TBC1D5: variants seen among roughly 807,000 people sequenced by gnomAD.
TBC1D5 encodes TBC1 domain family, member 5.
Under a neutral mutation model 100.3 loss-of-function variants are expected in TBC1D5, and 75 were observed. The ratio of observed to expected loss-of-function variants is 0.75; its 90% CI spans 0.62 to 0.91. The LOEUF is 0.91. Ranked by LOEUF, TBC1D5 falls within the 40% of genes least tolerant of loss-of-function variation. The pLI, the probability that TBC1D5 is intolerant of heterozygous loss-of-function variation, is 0.00. For synonymous variants in TBC1D5, 323 were observed against 325.6 expected (o/e 0.99, Z 0.09); for missense variants, 910 against 942.4 (o/e 0.97, Z 0.45).
intron 17 of TBC1D5, among the ~76,000 whole-genome samples, chr3:17,221,881 G>C (rs1372327483): frequency 6.6e-6 from 1 of 152,156 alleles, no homozygotes; most frequent in African/African-American, 2.4e-5. Flanking sequence ...TTTTAAGTCA[G>C]CAAGAGAAAA....
chr3:17,563,450 A>C (rs901543499), intron 2 of TBC1D5, among the ~76,000 whole-genome samples: 1 of 152,248 alleles, frequency 6.6e-6, no homozygotes, highest in Non-Finnish European at 1.5e-5. Flanking sequence ...GAATCAGGAA[A>C]ATCAGGAAGG....
intron 1 of TBC1D5, among the ~76,000 whole-genome samples, chr3:17,669,248 T>G (rs1469019969): frequency 6.6e-6 from 1 of 152,182 alleles, no homozygotes; most frequent in African/African-American, 2.4e-5. Context: ...ACCATGATTG[T>G]AAGTTTCCTG....
At chr3:17,258,688 G>T (rs1575000937) in intron 15 of TBC1D5, 97 bp from the exon 16 acceptor site, 4 of 887,044 alleles carry the variant, frequency 4.5e-6, no homozygotes, top group Admixed American at 2.6e-5. Flanking sequence ...CTTCAGAAAA[G>T]AATATGTATA....
intron 1 of TBC1D5, chr3:17,706,203 G>C: frequency 6.4e-7 from 1 of 1,551,992 alleles, no homozygotes; most frequent in Non-Finnish European, 8.7e-7. Context: ...CTCCGGCATC[G>C]CGGCGAGGCC....
chr3:17,673,080 T>C (rs1387789838), intron 1 of TBC1D5, among the ~76,000 whole-genome samples: 2 of 151,932 alleles, frequency 1.3e-5, no homozygotes, highest in Non-Finnish European at 2.9e-5. Context: ...AATAATAGAA[T>C]AACAACAAAT....
intron 2 of TBC1D5, among the ~76,000 whole-genome samples, chr3:17,574,617 A>G (rs116299990): frequency 3.0e-3 from 461 of 152,230 alleles, no homozygotes; most frequent in African/African-American, 0.011. Context: ...TAAGCATCTT[A>G]TAATACATCT....
intron 3 of TBC1D5, among the ~76,000 whole-genome samples, chr3:17,433,234 G>T (rs112869783): frequency 6.6e-6 from 1 of 152,252 alleles, no homozygotes; most frequent in Admixed American, 6.5e-5. Flanking sequence ...AAGAAGCAGC[G>T]GACATGAATA....
intron 3 of TBC1D5, among the ~76,000 whole-genome samples, chr3:17,500,454 T>C (rs570671037): frequency 2.7e-5 from 4 of 149,944 alleles, no homozygotes; most frequent in South Asian, 4.2e-4. Context: ...TTAATCACTA[T>C]CTTTTTAATG....
intron 15 of TBC1D5, among the ~76,000 whole-genome samples, chr3:17,279,975 C>G (rs1001449180): frequency 6.6e-6 from 1 of 152,106 alleles, no homozygotes; most frequent in Admixed American, 6.5e-5. Context: ...CAATGAACAT[C>G]GACTTCTCCT....
intron 2 of TBC1D5, among the ~76,000 whole-genome samples, chr3:17,508,871 G>A (rs559175817): frequency 6.6e-6 from 1 of 152,012 alleles, no homozygotes; most frequent in South Asian, 2.1e-4. Flanking sequence ...CAATAAATAA[G>A]CTAAATTCTA....
chr3:17,452,291 G>A (rs965726708), intron 3 of TBC1D5, among the ~76,000 whole-genome samples: 2 of 152,040 alleles, frequency 1.3e-5, no homozygotes, highest in Non-Finnish European at 1.5e-5. Flanking sequence ...AATGGCAGGG[G>A]TAAGTCCCTA....
At chr3:17,463,588 TATA>T (rs1477798877) in intron 3 of TBC1D5, among the ~76,000 whole-genome samples, 1 of 152,182 alleles carries the variant, frequency 6.6e-6, no homozygotes, top group African/African-American at 2.4e-5. Flanking sequence ...AATACTTAAA[TATA>T]ATATTTTAAA....
intron 2 of TBC1D5, among the ~76,000 whole-genome samples, chr3:17,560,828 G>T (rs2096553973): frequency 6.6e-6 from 1 of 151,828 alleles, no homozygotes; most frequent in African/African-American, 2.4e-5. Context: ...GGCTGAGGCA[G>T]GAGAATCACT....
At chr3:17,222,642 C>T (rs1332118251) in intron 17 of TBC1D5, among the ~76,000 whole-genome samples, 1 of 152,072 alleles carries the variant, frequency 6.6e-6, no homozygotes, top group Admixed American at 6.5e-5. Context: ...TATAAACAAA[C>T]TTTCTGTTTG....
At chr3:17,580,129 T>A (rs1188836344) in intron 2 of TBC1D5, among the ~76,000 whole-genome samples, 1 of 152,134 alleles carries the variant, frequency 6.6e-6, no homozygotes. Flanking sequence ...CCCAACCTGG[T>A]ATAAGAAAGG....
chr3:17,280,323 A>C (rs1401769707), intron 15 of TBC1D5, among the ~76,000 whole-genome samples: 2 of 152,126 alleles, frequency 1.3e-5, no homozygotes, highest in African/African-American at 4.8e-5. Context: ...AATTCTGGAC[A>C]GAAGAGGGCA....
intron 2 of TBC1D5, among the ~76,000 whole-genome samples, chr3:17,514,936 T>C (rs2095963887): frequency 6.6e-6 from 1 of 151,060 alleles, no homozygotes; most frequent in East Asian, 1.9e-4. Flanking sequence ...TGTTCCTCTT[T>C]TATATATTTA....
At position 17,372,082 on chromosome 3, in the gene TBC1D5, A is replaced by AT; in HGVS notation, c.987dup (p.Tyr330IlefsTer54). The AT allele has an allele frequency of 6.2e-7, 1 of 1,608,918 alleles. No individual in the cohort carries two copies. Among genetic ancestry groups the AT allele is most frequent in the Non-Finnish European group, 8.5e-7 (1 of 1,177,354 alleles). ...AAGAACTTTAATACTTACAACCCAT[A>AT]TATCTGTGGTGCAATTTCTAGTCTG... On this transcript the variant is annotated frameshift_variant, in exon 13 of 22. Transcript: ENST00000253692. LOFTEE classifies it high-confidence loss of function.
chr3:17,565,778 C>T (rs2096589905), intron 2 of TBC1D5, among the ~76,000 whole-genome samples: 1 of 151,954 alleles, frequency 6.6e-6, no homozygotes, highest in African/African-American at 2.4e-5. Flanking sequence ...ATTTGAAAAA[C>T]TTTGCCAAAG....
Sources: gnomAD v4.1 joint callset for allele counts (sites outside exome capture counted in the v4.1 genomes callset) on GRCh38, gnomAD v4.1.1 for gene constraint, MANE v1.5 for transcripts, NCBI Gene and HGNC (gene_info 2026-07-23, HGNC 2026-07-21) for gene names.